COL21A1: variants seen among roughly 807,000 people sequenced by gnomAD.
COL21A1 encodes collagen alpha-1(XXI) chain.
COL21A1 carries 149 observed loss-of-function variants against 137.9 expected under a neutral mutation model. The observed-to-expected ratio is 1.08, with a 90% confidence interval of 0.95 to 1.24. COL21A1 has a LOEUF of 1.24. Among genes scored for constraint, COL21A1 ranks in the 50% most tolerant of loss-of-function variants. The pLI is 0.00. For synonymous variants in COL21A1, 456 were observed against 391.5 expected, an observed-to-expected ratio of 1.16 and a Z score of -1.95; for missense variants, 1,167 against 1,158.4, an observed-to-expected ratio of 1.01 and a Z score of -0.11.
intron 1 of COL21A1, among the ~76,000 whole-genome samples, chr6:56,368,027 A>C (rs928752790): frequency 6.6e-6 from 1 of 152,206 alleles, no homozygotes; most frequent in African/African-American, 2.4e-5. Context: ...ACAATTCTTA[A>C]AGGTATATCA....
chr6:56,230,137 TA>T (rs1326237086), intron 1 of COL21A1, among the ~76,000 whole-genome samples: 2 of 151,740 alleles, frequency 1.3e-5, no homozygotes, highest in African/African-American at 2.4e-5. Flanking sequence ...GTGGGTCCTG[TA>T]AAAAAAATTG....
At chr6:56,188,145 T>C (rs886182053) in intron 1 of COL21A1, among the ~76,000 whole-genome samples, 9 of 152,232 alleles carry the variant, frequency 5.9e-5, no homozygotes, top group Admixed American at 5.9e-4. Flanking sequence ...ATCCAATGTT[T>C]ACATGTATAT....
intron 1 of COL21A1, among the ~76,000 whole-genome samples, chr6:56,306,818 GT>G (rs1270989206): frequency 6.6e-6 from 1 of 151,874 alleles, no homozygotes; most frequent in African/African-American, 2.4e-5. Flanking sequence ...AGAGTTTCCA[GT>G]TTTTCTGCTC....
At chr6:56,368,143 T>C (rs1225678816) in intron 1 of COL21A1, among the ~76,000 whole-genome samples, 1 of 152,208 alleles carries the variant, frequency 6.6e-6, no homozygotes, top group African/African-American at 2.4e-5. Context: ...AACCAGAAAT[T>C]ATTCAACAAG....
rs1582198136 is a variant in COL21A1 at position 56,056,632 on chromosome 6, T to C, written c.*1025A>G. 6.6e-6 allele frequency: 1 copy of C among 152,312 alleles called. No individual in the cohort carries two copies. The highest frequency in any genetic ancestry group is 1.9e-4 in the East Asian group (1 of 5,182). The allele number at this position is 152,312 out of a possible 1,614,324, so 9.4% of individuals were successfully genotyped here. A position where few individuals can be genotyped will look rare whatever the true frequency, so the allele number is the denominator to read the frequency against. On this transcript the variant is annotated 3_prime_UTR_variant, in exon 30 of 30. Coordinates refer to ENST00000244728, the MANE Select transcript of COL21A1 (RefSeq NM_030820.4). ...TTTATTATACTCTGAATAACAAGCA[T>C]GTAACAAAATTTTGAGCATGACAAG...
chr6:56,097,872 TATAA>T (rs1309251942), intron 17 of COL21A1, among the ~76,000 whole-genome samples: 1 of 74,454 alleles, frequency 1.3e-5, no homozygotes, highest in Non-Finnish European at 2.3e-5. Context: ...TAAAAATATC[TATAA>T]ATATATAAAT....
chr6:56,204,339 G>A (rs929941018), intron 1 of COL21A1, among the ~76,000 whole-genome samples: 3 of 152,130 alleles, frequency 2.0e-5, no homozygotes, highest in Non-Finnish European at 2.9e-5. Flanking sequence ...AACCCTCACA[G>A]TGTAAACAAA....
chr6:56,060,563 A>G (rs1156344582), intron 27 of COL21A1, 178 bp downstream of exon 27: 1 of 509,096 alleles, frequency 2.0e-6, no homozygotes, highest in Non-Finnish European at 3.4e-6. Context: ...AAAAGATTAT[A>G]AAAGAGTATA....
At chr6:56,187,775 T>C (rs1239583178) in intron 1 of COL21A1, among the ~76,000 whole-genome samples, 4 of 152,202 alleles carry the variant, frequency 2.6e-5, no homozygotes, top group Non-Finnish European at 4.4e-5. Context: ...TTAAGATGAA[T>C]ATTTCTCAGG....
At chr6:56,384,085 G>A (rs952579852) in intron 1 of COL21A1, among the ~76,000 whole-genome samples, 2 of 152,144 alleles carry the variant, frequency 1.3e-5, no homozygotes, top group Non-Finnish European at 2.9e-5. Context: ...TCAGCATACA[G>A]TCACACCAGA....
At chr6:56,155,071 C>G (rs1369686696) in intron 10 of COL21A1, among the ~76,000 whole-genome samples, 1 of 152,142 alleles carries the variant, frequency 6.6e-6, no homozygotes, top group East Asian at 1.9e-4. Flanking sequence ...CCCCCTCCCA[C>G]CTTCCACCTT....
At chr6:56,317,667 A>G (rs9475665) in intron 1 of COL21A1, among the ~76,000 whole-genome samples, 44,777 of 151,916 alleles carry the variant, frequency 0.29, 6,961 homozygotes, top group Non-Finnish European at 0.35. Flanking sequence ...TCCCTTCATA[A>G]TCTCAATTTT....
At chr6:56,383,267 C>T (rs939296605) in intron 1 of COL21A1, among the ~76,000 whole-genome samples, 1 of 152,094 alleles carries the variant, frequency 6.6e-6, no homozygotes, top group African/African-American at 2.4e-5. Context: ...CTTTCTGGCC[C>T]CTTCCTATAA....
chr6:56,186,250 C>A (rs1778288948), intron 1 of COL21A1, among the ~76,000 whole-genome samples: 1 of 152,112 alleles, frequency 6.6e-6, no homozygotes, highest in South Asian at 2.1e-4. Context: ...AAAAAAATCA[C>A]ATGAACATCT....
intron 10 of COL21A1, among the ~76,000 whole-genome samples, chr6:56,146,778 C>T (rs1774871283): frequency 6.6e-6 from 1 of 152,104 alleles, no homozygotes; most frequent in African/African-American, 2.4e-5. Flanking sequence ...AGGTTATCTG[C>T]ACAGCTCGTG....
At chr6:56,288,948 A>G (rs1450030207) in intron 1 of COL21A1, among the ~76,000 whole-genome samples, 1 of 152,224 alleles carries the variant, frequency 6.6e-6, no homozygotes, top group East Asian at 1.9e-4. Context: ...AGTATTCTTA[A>G]AGGGTTATCA....
At chr6:56,109,914 C>T (rs1771270405) in intron 16 of COL21A1, among the ~76,000 whole-genome samples, 1 of 151,952 alleles carries the variant, frequency 6.6e-6, no homozygotes, top group Non-Finnish European at 1.5e-5. Context: ...CAGAGGGTTT[C>T]ACTGGTGAAT....
chr6:56,057,434 C>T lies in COL21A1; in HGVS notation c.*223G>A. The T allele has an allele frequency of 1.9e-6, 1 of 520,676 alleles. No homozygotes were observed. The highest frequency in any genetic ancestry group is 3.3e-6 in the Non-Finnish European group (1 of 300,186). 32.3% of individuals were successfully genotyped at this position (520,676 alleles called of 1,614,324 possible). ...ACATAAATGGACTTTACAAGAAACC[C>T]TTGAGATTTAATTAATGCTGCTAAT... On this transcript the variant is annotated 3_prime_UTR_variant, in exon 30 of 30. Coordinates refer to ENST00000244728, the MANE Select transcript of COL21A1 (RefSeq NM_030820.4).
At chr6:56,349,033 C>G (rs1765654726) in intron 1 of COL21A1, among the ~76,000 whole-genome samples, 1 of 152,164 alleles carries the variant, frequency 6.6e-6, no homozygotes, top group South Asian at 2.1e-4. Context: ...ACTGACCTTC[C>G]TTTTAGAGTG....
Sources: allele counts gnomAD v4.1 joint callset (sites outside exome capture counted in the v4.1 genomes callset), GRCh38; gene constraint gnomAD v4.1.1; transcripts MANE v1.5; gene names NCBI Gene and HGNC (gene_info 2026-07-23, HGNC 2026-07-21).